The following ROBO2 variants were observed in gnomAD, a reference collection of about 807,000 sequenced individuals.
ROBO2 encodes the protein roundabout homolog 2.
In ROBO2, 53 loss-of-function variants were observed where a neutral mutation model predicts 160.8. The ratio of observed to expected loss-of-function variants is 0.33; its 90% CI spans 0.26 to 0.41. The LOEUF is 0.41. Ranked by LOEUF, ROBO2 falls within the 10% of genes least tolerant of loss-of-function variation. The pLI is 1.00. For synonymous variants in ROBO2, 664 were observed against 611.7 expected, an observed-to-expected ratio of 1.09 and a Z score of -1.26; for missense variants, 1,577 against 1,722.4, an observed-to-expected ratio of 0.92 and a Z score of 1.49.
intron 2 of ROBO2, among the ~76,000 whole-genome samples, chr3:75,954,803 T>A (rs901805749): frequency 5.9e-5 from 9 of 151,868 alleles, no homozygotes; most frequent in Non-Finnish European, 1.3e-4. Flanking sequence ...CTTATTAACA[T>A]CTTGCAGAGG....
At chr3:76,414,526 A>G (rs1326782211) in intron 2 of ROBO2, among the ~76,000 whole-genome samples, 4 of 149,944 alleles carry the variant, frequency 2.7e-5, no homozygotes, top group African/African-American at 7.4e-5. Context: ...AGAAAAAACC[A>G]AACACCGCAT....
In ROBO2 at chr3:76,398,740, G is replaced by T. The variant is rs556494520; in HGVS notation, c.109+461138G>T. On this transcript the variant is annotated intron_variant, in intron 2 of 26. Transcript: ENST00000487694. ...TAAACTAAATATACTATTAAGTTTAGTATATTCTATTGGTTTAGTATATTC... is the reference window on the plus strand; with the variant it reads ...TAAACTAAATATACTATTAAGTTTATTATATTCTATTGGTTTAGTATATTC... Among the ~76,000 whole-genome samples the T allele has an allele frequency of 1.8e-4, 28 of 151,632 alleles. No homozygotes were observed. The South Asian group carries it at 3.1e-3, about 17-fold the overall frequency.
Position 77,490,538 on chromosome 3 carries a change from C to T in ROBO2, c.668-2706C>T, listed in dbSNP as rs188857428. Among the ~76,000 whole-genome samples the T allele has an allele frequency of 8.2e-3, 1,250 of 152,080 alleles. 6 individuals are homozygous for T. Among genetic ancestry groups the T allele is most frequent in the South Asian group, 0.018 (89 of 4,820 alleles). On this transcript the variant is annotated intron_variant, in intron 4 of 25. Coordinates refer to ENST00000461745, the Ensembl canonical transcript of ROBO2. ...GATTTGATCATATTTATCTTCATTT[C>T]TCTTCCTATTATATAAGTAACCTCC...
At chr3:76,781,443 C>T (rs192226465) in intron 2 of ROBO2, among the ~76,000 whole-genome samples, 8 of 150,808 alleles carry the variant, frequency 5.3e-5, no homozygotes, top group East Asian at 3.9e-4. Flanking sequence ...TCCAGTACTA[C>T]GTTGTTTAGA....
chr3:76,110,274 C>G (rs1395372828), intron 2 of ROBO2, among the ~76,000 whole-genome samples: 2 of 151,936 alleles, frequency 1.3e-5, no homozygotes, highest in Admixed American at 6.6e-5. Flanking sequence ...CAGAACAACC[C>G]TACCAGGTAA....
At chr3:77,199,639 T>G (rs930602360) in intron 2 of ROBO2, among the ~76,000 whole-genome samples, 13 of 132,884 alleles carry the variant, frequency 9.8e-5, no homozygotes, top group African/African-American at 2.9e-4. Flanking sequence ...TTTTTTTTTT[T>G]TTTGTGACAG....
intron 2 of ROBO2, among the ~76,000 whole-genome samples, chr3:76,037,449 G>T (rs1052038055): frequency 1.3e-5 from 2 of 151,428 alleles, no homozygotes; most frequent in African/African-American, 2.4e-5. Context: ...CTAGAGACGG[G>T]GTTTCACTTG....
intron 2 of ROBO2, among the ~76,000 whole-genome samples, chr3:76,602,474 C>T (rs1479653974): frequency 3.9e-5 from 6 of 152,218 alleles, no homozygotes; most frequent in Non-Finnish European, 4.4e-5. Flanking sequence ...CACAGTTCCA[C>T]GTGGTGGGGG....
At chr3:77,132,417 A>T (rs567140013) in intron 2 of ROBO2, among the ~76,000 whole-genome samples, 23 of 152,110 alleles carry the variant, frequency 1.5e-4, no homozygotes, top group African/African-American at 5.5e-4. Flanking sequence ...CAATTTTATC[A>T]GATTTAAATT....
intron 2 of ROBO2, among the ~76,000 whole-genome samples, chr3:76,095,106 C>T (rs937620525): frequency 3.3e-5 from 5 of 151,910 alleles, no homozygotes; most frequent in Non-Finnish European, 7.4e-5. Context: ...TAATTTTGGG[C>T]TGAGTATGGG....
At chr3:77,580,420 T>A (rs1053480115) in intron 16 of ROBO2, among the ~76,000 whole-genome samples, 1 of 152,152 alleles carries the variant, frequency 6.6e-6, no homozygotes, top group African/African-American at 2.4e-5. Flanking sequence ...CATTGAAATA[T>A]AATAAAAATG....
intron 2 of ROBO2, among the ~76,000 whole-genome samples, chr3:76,273,787 G>A (rs1336743455): frequency 6.6e-6 from 1 of 152,130 alleles, no homozygotes; most frequent in Non-Finnish European, 1.5e-5. Flanking sequence ...CATGACATGT[G>A]GGGATTATGG....
intron 2 of ROBO2, among the ~76,000 whole-genome samples, chr3:77,152,558 G>A (rs926343518): frequency 6.6e-6 from 1 of 152,264 alleles, no homozygotes; most frequent in Admixed American, 6.5e-5. Context: ...TGAACAGAGA[G>A]CATCCACATC....
intron 2 of ROBO2, among the ~76,000 whole-genome samples, chr3:76,347,050 C>G (rs940573953): frequency 2.0e-5 from 3 of 150,760 alleles, no homozygotes; most frequent in Admixed American, 1.3e-4. Flanking sequence ...ACCATTCAGA[C>G]AAAATAAAAA....
Position 76,310,705 on chromosome 3 carries a change from G to A in ROBO2, c.109+373103G>A, listed in dbSNP as rs138499868. ...ACACAATAGATTAACTACCCTCTGT[G>A]CATACTATATTTTGCTCAGCCCTTA... On this transcript the variant is annotated intron_variant, in intron 2 of 26. Transcript: ENST00000487694. 1.2e-3 allele frequency among the ~76,000 whole-genome samples: 176 copies of A among 152,268 alleles called. 2 individuals carry two copies. Among genetic ancestry groups the A allele is most frequent in the African/African-American group, 4.0e-3 (168 of 41,548 alleles).
chr3:76,880,542 A>G (rs2073231049), intron 2 of ROBO2, among the ~76,000 whole-genome samples: 1 of 152,180 alleles, frequency 6.6e-6, no homozygotes, highest in Non-Finnish European at 1.5e-5. Context: ...ATTTATAACT[A>G]GTTCATTAGA....
chr3:76,533,528 G>T (rs2082336425), intron 2 of ROBO2, among the ~76,000 whole-genome samples: 2 of 152,204 alleles, frequency 1.3e-5, no homozygotes, highest in African/African-American at 4.8e-5. Flanking sequence ...ATATCATCCG[G>T]GCATAAGCAT....
chr3:76,108,922 TTAA>T lies in ROBO2; in HGVS notation c.109+171322_109+171324del, dbSNP rs200720662. 5.0e-3 allele frequency among the ~76,000 whole-genome samples: 754 copies of T among 151,694 alleles called. 19 individuals are homozygous for T. The highest frequency in any genetic ancestry group is 0.045 in the Admixed American group (685 of 15,236). ...AAAATGTAATTTTATTAGATTACTATTAATGTATTGATTTTAGTTATATAAGGT... is the reference window on the plus strand; with the variant it reads ...AAAATGTAATTTTATTAGATTACTATTGTATTGATTTTAGTTATATAAGGT... On this transcript the variant is annotated intron_variant, in intron 2 of 26. Coordinates refer to the ROBO2 transcript ENST00000487694.
exon 11 of ROBO2, chr3:77,563,277 C>A: frequency 6.2e-7 from 1 of 1,613,636 alleles, no homozygotes; most frequent in Non-Finnish European, 8.5e-7. Context: ...GTCCTGGCAG[C>A]CAGGTACCCC....
Sources: allele counts gnomAD v4.1 joint callset (sites outside exome capture counted in the v4.1 genomes callset), GRCh38; gene constraint gnomAD v4.1.1; transcripts MANE v1.5; gene names NCBI Gene and HGNC (gene_info 2026-07-23, HGNC 2026-07-21).